Variants in AMPH observed in about 807,000 individuals in gnomAD.
AMPH encodes the protein amphiphysin (Stiff-Mann syndrome with breast cancer 128kD autoantigen).
Under a neutral mutation model 99.1 loss-of-function variants are expected in AMPH, and 49 were observed. That is an observed-to-expected ratio of 0.49 (90% CI 0.39 to 0.63). The LOEUF (loss-of-function observed/expected upper bound fraction) is 0.63. Ranked by LOEUF, AMPH falls within the 20% of genes least tolerant of loss-of-function variation. AMPH has a pLI of 0.00. For missense variants in AMPH, 759 were observed against 863.4 expected (o/e 0.88, Z 1.52); for synonymous variants, 314 against 317.3 (o/e 0.99, Z 0.11).
At chr7:38,441,478 C>T (rs2192682) in intron 11 of AMPH, among the ~76,000 whole-genome samples, 86,449 of 151,646 alleles carry the variant, frequency 0.57, 25,200 homozygotes, top group East Asian at 0.87. Flanking sequence ...TCTGGGTCAT[C>T]AAATAGGTCT....
intron 1 of AMPH, among the ~76,000 whole-genome samples, chr7:38,568,012 A>G (rs2129050999): frequency 6.6e-6 from 1 of 152,276 alleles, no homozygotes; most frequent in African/African-American, 2.4e-5. Flanking sequence ...TTCATTGGCA[A>G]TACCCCTAAA....
intron 2 of AMPH, among the ~76,000 whole-genome samples, chr7:38,505,780 G>A (rs865791505): frequency 6.6e-6 from 1 of 151,976 alleles, no homozygotes; most frequent in African/African-American, 2.4e-5. Flanking sequence ...AAAGCATATT[G>A]CAACAAAAGA....
At chr7:38,537,271 A>G (rs1056182168) in intron 1 of AMPH, among the ~76,000 whole-genome samples, 3 of 152,212 alleles carry the variant, frequency 2.0e-5, no homozygotes, top group African/African-American at 7.2e-5. Flanking sequence ...AGTGGCTCAC[A>G]TGTAAGATAA....
intron 17 of AMPH, among the ~76,000 whole-genome samples, chr7:38,415,034 C>T (rs1037869597): frequency 2.6e-5 from 4 of 151,958 alleles, no homozygotes; most frequent in Non-Finnish European, 4.4e-5. Context: ...AAAGTAAAGA[C>T]AAGAGTGTTG....
At chr7:38,429,961 G>A (rs1422629683) in intron 13 of AMPH, 96 bp from the exon 14 acceptor site, 11 of 1,173,758 alleles carry the variant, frequency 9.4e-6, no homozygotes, top group Non-Finnish European at 1.3e-5. Context: ...TTCTGCTGAA[G>A]GCTATAGCTT....
intron 1 of AMPH, among the ~76,000 whole-genome samples, chr7:38,611,199 A>G (rs896073593): frequency 3.3e-5 from 5 of 152,228 alleles, no homozygotes; most frequent in African/African-American, 1.2e-4. Context: ...AAGCGAAAGA[A>G]TCTCATCACA....
chr7:38,521,477 C>T (rs189350240), intron 2 of AMPH, among the ~76,000 whole-genome samples: 137 of 152,180 alleles, frequency 9.0e-4, no homozygotes, highest in Non-Finnish European at 1.7e-3. Flanking sequence ...ACAGAGATAG[C>T]GCCACTTCAC....
chr7:38,548,696 G>A (rs1791077928), intron 1 of AMPH, among the ~76,000 whole-genome samples: 1 of 152,158 alleles, frequency 6.6e-6, no homozygotes, highest in Non-Finnish European at 1.5e-5. Flanking sequence ...CTGGTCCATA[G>A]TGAAATGCAG....
chr7:38,445,969 A>G (rs889633273), intron 11 of AMPH, among the ~76,000 whole-genome samples: 2 of 152,166 alleles, frequency 1.3e-5, no homozygotes, highest in Non-Finnish European at 1.5e-5. Flanking sequence ...TGCTCCTGCC[A>G]TGTTAGACAC....
In AMPH at chr7:38,441,795, A is replaced by ATATGATAGATATCATATATC. The variant is rs774961564; in HGVS notation, c.1018-5408_1018-5407insGATATATGATATCTATCATA. Among the ~76,000 whole-genome samples the ATATGATAGATATCATATATC allele has an allele frequency of 4.4e-3, 487 of 110,280 alleles. 22 individuals are homozygous for ATATGATAGATATCATATATC. Among genetic ancestry groups the ATATGATAGATATCATATATC allele is most frequent in the African/African-American group, 0.017 (462 of 27,466 alleles). 72.3% of individuals were successfully genotyped at this position (110,280 alleles called of 152,430 possible). ...GATATATATCATATATCTGTCATAT[A>ATATGATAGATATCATATATC]TATCATATATATATCATATATATCA... On this transcript the variant is annotated intron_variant, in intron 11 of 20. Transcript: ENST00000356264.
At chr7:38,522,107 C>CT (rs1789987142) in intron 2 of AMPH, among the ~76,000 whole-genome samples, 1 of 152,174 alleles carries the variant, frequency 6.6e-6, no homozygotes. Context: ...AAGCAAGGAT[C>CT]TTGTACTTCC....
chr7:38,562,889 C>T (rs79680463), intron 1 of AMPH, among the ~76,000 whole-genome samples: 131 of 152,276 alleles, frequency 8.6e-4, no homozygotes, highest in Middle Eastern at 3.4e-3. Flanking sequence ...TCCAAGCCAT[C>T]ATTAGTCTCA....
chr7:38,554,039 G>A (rs766563413), intron 1 of AMPH, among the ~76,000 whole-genome samples: 7 of 152,174 alleles, frequency 4.6e-5, no homozygotes, highest in East Asian at 3.9e-4. Context: ...CAGCTGCATC[G>A]TTTCTGCCAC....
At chr7:38,461,926 A>G (rs1454811599) in intron 10 of AMPH, among the ~76,000 whole-genome samples, 4 of 152,248 alleles carry the variant, frequency 2.6e-5, no homozygotes, top group Non-Finnish European at 5.9e-5. Context: ...GTTCAACTAC[A>G]TATAGATGGT....
At chr7:38,423,830 T>G (rs1302507782) in intron 15 of AMPH, among the ~76,000 whole-genome samples, 2 of 152,250 alleles carry the variant, frequency 1.3e-5, no homozygotes, top group East Asian at 3.9e-4. Flanking sequence ...CCTCAAGATA[T>G]TCTTACCTAC....
intron 14 of AMPH, chr7:38,428,038 C>G (rs764061803): frequency 1.9e-4 from 87 of 456,570 alleles, no homozygotes; most frequent in Non-Finnish European, 3.3e-4. Context: ...ATGGCTTGTT[C>G]CCTACAATCA....
intron 2 of AMPH, 45 bp from the exon 3 acceptor site, chr7:38,503,749 G>A (rs763156118): frequency 6.3e-7 from 1 of 1,586,782 alleles, no homozygotes; most frequent in Non-Finnish European, 8.6e-7. Flanking sequence ...TCTATATTCT[G>A]CATGAAAACA....
At chr7:38,549,193 G>A (rs1277977142) in intron 1 of AMPH, among the ~76,000 whole-genome samples, 1 of 152,210 alleles carries the variant, frequency 6.6e-6, no homozygotes, top group Non-Finnish European at 1.5e-5. Context: ...CAAAAGGGCA[G>A]AAGTTGTTTT....
chr7:38,506,704 C>T (rs561334245), intron 2 of AMPH, among the ~76,000 whole-genome samples: 39 of 152,258 alleles, frequency 2.6e-4, no homozygotes, highest in African/African-American at 7.0e-4. Context: ...AAAGATCTGT[C>T]TGGAACATCA....
Sources: allele counts gnomAD v4.1 joint callset (sites outside exome capture counted in the v4.1 genomes callset), GRCh38; gene constraint gnomAD v4.1.1; transcripts MANE v1.5; gene names NCBI Gene and HGNC (gene_info 2026-07-23, HGNC 2026-07-21).